The following CTNND2 variants were observed in gnomAD, a reference collection of about 807,000 sequenced individuals.
CTNND2 encodes catenin delta-2.
A neutral mutation model predicts 144.4 loss-of-function variants in CTNND2; 22 were observed. The observed-to-expected ratio is 0.15, with a 90% CI of 0.11 to 0.22. The LOEUF is 0.22. Ranked by LOEUF, CTNND2 falls within the 10% of genes least tolerant of loss-of-function variation. The probability of loss-of-function intolerance (pLI) is 1.00; values close to 1 mark genes in which losing one functional copy is unlikely to be tolerated. For synonymous variants in CTNND2, 751 were observed against 695.6 expected (o/e 1.08, Z -1.25); for missense variants, 1,353 against 1,618.8 (o/e 0.84, Z 2.82).
intron 9 of CTNND2, among the ~76,000 whole-genome samples, chr5:11,272,221 C>T (rs991728577): frequency 2.0e-5 from 3 of 152,068 alleles, no homozygotes; most frequent in Non-Finnish European, 4.4e-5. Flanking sequence ...AGAATTCTGT[C>T]CTTTCTTCAT....
At chr5:11,280,686 C>T (rs1490049621) in intron 9 of CTNND2, among the ~76,000 whole-genome samples, 5 of 152,172 alleles carry the variant, frequency 3.3e-5, no homozygotes, top group Non-Finnish European at 7.3e-5. Context: ...ATTCAGTCCA[C>T]AGAAACAGAG....
intron 2 of CTNND2, among the ~76,000 whole-genome samples, chr5:11,649,296 A>T (rs1202767693): frequency 1.3e-5 from 2 of 152,150 alleles, no homozygotes; most frequent in Non-Finnish European, 1.5e-5. Flanking sequence ...CTTTCATTAA[A>T]GAAACAAACT....
intron 3 of CTNND2, among the ~76,000 whole-genome samples, chr5:11,503,945 A>T (rs1227157062): frequency 6.6e-6 from 1 of 152,226 alleles, no homozygotes; most frequent in Non-Finnish European, 1.5e-5. Flanking sequence ...ACAACACATA[A>T]ATCATTTACA....
intron 1 of CTNND2, among the ~76,000 whole-genome samples, chr5:11,734,927 T>C (rs1000709897): frequency 6.6e-6 from 1 of 152,150 alleles, no homozygotes; most frequent in African/African-American, 2.4e-5. Flanking sequence ...CCAATGGGGA[T>C]TGGAATAGCA....
At position 11,591,846 on chromosome 5, in the gene CTNND2, T is replaced by C. The variant is rs76150887; in HGVS notation, c.175-26790A>G. ...CACTATCTTTAAACATTCCAGTTTA[T>C]TACTTATTTTTGAATTATGGCAACC... is the stretch of plus-strand genomic sequence containing the variant. On this transcript the variant is annotated intron_variant, in intron 2 of 21. Coordinates refer to ENST00000304623, the MANE Select transcript of CTNND2 (RefSeq NM_001332.4). 5.4e-3 allele frequency among the ~76,000 whole-genome samples: 816 copies of C among 152,292 alleles called. 7 individuals are homozygous for C. The highest frequency in any genetic ancestry group is 0.018 in the African/African-American group (765 of 41,558).
intron 3 of CTNND2, among the ~76,000 whole-genome samples, chr5:11,428,032 A>C (rs2149867541): frequency 6.6e-6 from 1 of 152,238 alleles, no homozygotes; most frequent in South Asian, 2.1e-4. Context: ...CCCCTGATAA[A>C]CCCATCAGAT....
intron 3 of CTNND2, among the ~76,000 whole-genome samples, chr5:11,472,124 T>C (rs1767285633): frequency 6.6e-6 from 1 of 152,196 alleles, no homozygotes; most frequent in African/African-American, 2.4e-5. Context: ...TTTATATAAG[T>C]ACTTGTTCAT....
chr5:11,579,542 C>A (rs1778249961), intron 2 of CTNND2, among the ~76,000 whole-genome samples: 1 of 152,110 alleles, frequency 6.6e-6, no homozygotes, highest in African/African-American at 2.4e-5. Flanking sequence ...CACATTTAAT[C>A]CATATTAACT....
chr5:11,470,980 A>ATATATATATATATATATATATAT (rs1219093645), intron 3 of CTNND2, among the ~76,000 whole-genome samples: 23 of 91,516 alleles, frequency 2.5e-4, no homozygotes, highest in African/African-American at 4.6e-4. Context: ...ATATATATAT[A>ATATATATATATATATATATATAT]TTTTTTTTTT....
In CTNND2 at chr5:11,774,566, A is replaced by AAT. The variant is rs1178686296; in HGVS notation, c.38-42295_38-42294insAT. 8.1e-4 allele frequency among the ~76,000 whole-genome samples: 122 copies of AAT among 150,182 alleles called. 7 individuals are homozygous for AAT. Among genetic ancestry groups the AAT allele is most frequent in the Admixed American group, 3.0e-3 (45 of 15,090 alleles). On this transcript the variant is annotated intron_variant, in intron 1 of 21. Transcript: ENST00000304623. Reference sequence around the variant, plus strand: ...AAAGTATAATAAAAAAAAATTAAAAAAAAAAACAATGATGGCTTTAGTCTA... The same window carrying AAT: ...AAAGTATAATAAAAAAAAATTAAAAAATAAAAAACAATGATGGCTTTAGTCTA...
chr5:11,627,717 C>A (rs564034373), intron 2 of CTNND2, among the ~76,000 whole-genome samples: 2 of 151,272 alleles, frequency 1.3e-5, no homozygotes, highest in East Asian at 3.9e-4. Context: ...GCAATGGTTT[C>A]GGGATGATTC....
chr5:11,748,930 T>G (rs769389049), intron 1 of CTNND2, among the ~76,000 whole-genome samples: 5 of 152,074 alleles, frequency 3.3e-5, no homozygotes, highest in Non-Finnish European at 5.9e-5. Context: ...AGACAAGTTA[T>G]GAAAGACACT....
chr5:11,610,424 G>T (rs1028950056), intron 2 of CTNND2, among the ~76,000 whole-genome samples: 1 of 152,148 alleles, frequency 6.6e-6, no homozygotes, highest in African/African-American at 2.4e-5. Context: ...TTCACAAAAG[G>T]CAGCAATAAT....
At chr5:11,195,752 T>G (rs750423452) in intron 11 of CTNND2, among the ~76,000 whole-genome samples, 3 of 152,250 alleles carry the variant, frequency 2.0e-5, no homozygotes, top group African/African-American at 4.8e-5. Context: ...TTGGGCATAC[T>G]CAAAATTTTG....
At position 11,611,759 on chromosome 5, in the gene CTNND2, C is replaced by G. The variant is rs535884808; in HGVS notation, c.175-46703G>C. Among the ~76,000 whole-genome samples the G allele has an allele frequency of 4.6e-5, 7 of 152,320 alleles. No individual in the cohort carries two copies. In the East Asian group the frequency reaches 1.4e-3, roughly 29 times the overall value. On this transcript the variant is annotated intron_variant, in intron 2 of 21. Transcript: ENST00000304623. ...CGCCAATGCACTCCAGCCTGGACAACAGAGTGCAGACTGGACTCCATCTCA... is the reference window on the plus strand; with the variant it reads ...CGCCAATGCACTCCAGCCTGGACAAGAGAGTGCAGACTGGACTCCATCTCA...
chr5:11,721,045 C>T (rs1479421439), intron 2 of CTNND2, among the ~76,000 whole-genome samples: 1 of 152,050 alleles, frequency 6.6e-6, no homozygotes, highest in African/African-American at 2.4e-5. Context: ...TCCCAATAGA[C>T]AACAAGTGAA....
intron 9 of CTNND2, among the ~76,000 whole-genome samples, chr5:11,262,785 A>AAAAAAAAAAAG (rs1745034742): frequency 2.0e-5 from 3 of 147,966 alleles, no homozygotes; most frequent in Non-Finnish European, 4.5e-5. Context: ...AAAAAAAAAA[A>AAAAAAAAAAAG]AAAGAAAGAA....
intron 2 of CTNND2, among the ~76,000 whole-genome samples, chr5:11,654,945 T>G (rs186492332): frequency 1.3e-5 from 2 of 151,980 alleles, no homozygotes; most frequent in African/African-American, 4.8e-5. Flanking sequence ...TGGTTGGGAG[T>G]TTTTAATCAT....
At chr5:11,810,316 AGGAAGAAAG>A (rs747047102) in intron 1 of CTNND2, among the ~76,000 whole-genome samples, 3 of 152,190 alleles carry the variant, frequency 2.0e-5, no homozygotes, top group Non-Finnish European at 2.9e-5. Flanking sequence ...GACCTTGAAA[AGGAAGAAAG>A]GGCTTCATGA....
Sources: gnomAD v4.1 joint callset for allele counts (sites outside exome capture counted in the v4.1 genomes callset) on GRCh38, gnomAD v4.1.1 for gene constraint, MANE v1.5 for transcripts, NCBI Gene and HGNC (gene_info 2026-07-23, HGNC 2026-07-21) for gene names.